Variants in GHR observed in about 807,000 individuals in gnomAD.
GHR encodes growth hormone receptor.
GHR carries 35 observed loss-of-function variants against 67.1 expected under a neutral mutation model. The observed-to-expected ratio is 0.52, with a 90% CI of 0.40 to 0.69. The LOEUF is 0.69. Ranked by LOEUF, GHR falls within the 30% of genes least tolerant of loss-of-function variation. GHR has a pLI of 0.00. For synonymous variants in GHR, 272 were observed against 269.1 expected, an observed-to-expected ratio of 1.01 and a Z score of -0.10; for missense variants, 792 against 764.6, an observed-to-expected ratio of 1.04 and a Z score of -0.42.
At chr5:42,465,959 C>T in intron 1 of GHR, 2 of 668,358 alleles carry the variant, frequency 3.0e-6, no homozygotes, top group Non-Finnish European at 5.4e-6. Flanking sequence ...TTTCCCTTCA[C>T]CGTGAAGTTG....
intron 1 of GHR, among the ~76,000 whole-genome samples, chr5:42,501,090 G>C (rs1007755531): frequency 6.6e-6 from 1 of 152,112 alleles, no homozygotes; most frequent in Non-Finnish European, 1.5e-5. Flanking sequence ...GATGCATCAG[G>C]TTCTGCAGTA....
Position 42,699,886 on chromosome 5 carries a change from C to A in GHR, c.502C>A (p.His168Asn). The change falls in exon 6 of 10, where the codon CAT becomes AAT. Residue 168 changes from histidine (H) to asparagine (N), a missense_variant. Coordinates refer to ENST00000230882, the MANE Select transcript of GHR (RefSeq NM_000163.5). ...TLLNVSLTGIHADIQVRWEAP... is the reference protein window; with the variant it reads ...TLLNVSLTGINADIQVRWEAP... ...ACTGAACGTCAGTTTAACTGGGATT[C>A]ATGCAGATATCCAAGTGAGATGGGA... 1 of 1,603,378 alleles carries A rather than the reference C, an allele frequency of 6.2e-7. No homozygotes were observed. The highest frequency in any genetic ancestry group is 2.2e-5 in the East Asian group (1 of 44,820).
chr5:42,685,910 T>C (rs1206256077), intron 3 of GHR, among the ~76,000 whole-genome samples: 2 of 152,228 alleles, frequency 1.3e-5, no homozygotes, highest in African/African-American at 4.8e-5. Flanking sequence ...ACTCTGCTGG[T>C]AGTTTCTTTT....
chr5:42,679,759 A>G (rs1219944214), intron 3 of GHR, among the ~76,000 whole-genome samples: 2 of 152,150 alleles, frequency 1.3e-5, no homozygotes, highest in African/African-American at 4.8e-5. Context: ...CAGTAGTGAG[A>G]ATAATAGTAC....
At chr5:42,425,977 A>G (rs1003484089) in intron 1 of GHR, among the ~76,000 whole-genome samples, 1 of 152,206 alleles carries the variant, frequency 6.6e-6, no homozygotes, top group African/African-American at 2.4e-5. Context: ...AAATGAACAT[A>G]ACTGTGCTCA....
At chr5:42,468,192 T>C in intron 1 of GHR, 1 of 1,417,222 alleles carries the variant, frequency 7.1e-7, no homozygotes, top group Non-Finnish European at 1.0e-6. Context: ...GGGCCCAGAC[T>C]TTGATGTTCT....
chr5:42,566,186 A>G (rs1311722384), intron 2 of GHR, among the ~76,000 whole-genome samples: 2 of 152,188 alleles, frequency 1.3e-5, no homozygotes, highest in African/African-American at 4.8e-5. Flanking sequence ...TTAATACTAC[A>G]AATCATGCTG....
chr5:42,679,076 A>G (rs1219417702), intron 3 of GHR, among the ~76,000 whole-genome samples: 1 of 145,398 alleles, frequency 6.9e-6, no homozygotes, highest in Admixed American at 7.0e-5. Context: ...AATTAGTAAT[A>G]TATTATACTA....
intron 2 of GHR, among the ~76,000 whole-genome samples, chr5:42,587,171 C>CAAACAAATGAACAA (rs1554022854): frequency 5.3e-5 from 8 of 151,794 alleles, no homozygotes; most frequent in African/African-American, 1.9e-4. Flanking sequence ...ACAGTCAGGA[C>CAAACAAATGAACAA]AAACAAGTGA....
intron 1 of GHR, among the ~76,000 whole-genome samples, chr5:42,553,974 C>A (rs1187562220): frequency 6.6e-6 from 1 of 152,102 alleles, no homozygotes. Flanking sequence ...TGAGATATTT[C>A]TTTTCTCTTC....
At chr5:42,560,768 A>G (rs1459955502) in intron 1 of GHR, among the ~76,000 whole-genome samples, 1 of 152,148 alleles carries the variant, frequency 6.6e-6, no homozygotes, top group African/African-American at 2.4e-5. Context: ...TCAGATCCCC[A>G]AATCCTGATT....
chr5:42,516,818 A>G (rs966794097), intron 1 of GHR, among the ~76,000 whole-genome samples: 5 of 152,176 alleles, frequency 3.3e-5, no homozygotes, highest in Middle Eastern at 3.2e-3. Context: ...CAGTTGCCTC[A>G]TGTCCTCTGT....
At chr5:42,584,509 C>G (rs1751368211) in intron 2 of GHR, among the ~76,000 whole-genome samples, 1 of 152,140 alleles carries the variant, frequency 6.6e-6, no homozygotes, top group South Asian at 2.1e-4. Context: ...ACTCGTACTC[C>G]AAACACCGAC....
chr5:42,577,827 A>G lies in GHR; in HGVS notation c.70+11883A>G, dbSNP rs575634647. 1.1e-3 allele frequency among the ~76,000 whole-genome samples: 174 copies of G among 152,338 alleles called. 1 individual carries two copies. The highest frequency in any genetic ancestry group is 0.01 in the Middle Eastern group (3 of 294). ...CAAGCATTCATCCTGTCTGCGTCCA[A>G]CAGTTCGGAATCAAACCATGAACTT... On this transcript the variant is annotated intron_variant, in intron 2 of 9. Transcript: ENST00000230882.
At chr5:42,695,249 A>G (rs1757618381) in intron 5 of GHR, among the ~76,000 whole-genome samples, 160 bp downstream of exon 5, 1 of 152,214 alleles carries the variant, frequency 6.6e-6, no homozygotes, top group African/African-American at 2.4e-5. Context: ...GGTGAACAAG[A>G]GGAAAAGGGC....
intron 1 of GHR, among the ~76,000 whole-genome samples, chr5:42,524,096 A>G (rs1359608788): frequency 6.6e-6 from 1 of 152,148 alleles, no homozygotes; most frequent in Non-Finnish European, 1.5e-5. Context: ...AGAGTGGGGT[A>G]TTGCTGAAAA....
chr5:42,463,521 G>A (rs1323894115), intron 1 of GHR, among the ~76,000 whole-genome samples: 1 of 152,128 alleles, frequency 6.6e-6, no homozygotes, highest in East Asian at 1.9e-4. Context: ...AGATGACAAT[G>A]GGAAAATCAA....
chr5:42,440,497 A>C (rs958307740), intron 1 of GHR, among the ~76,000 whole-genome samples: 2 of 152,232 alleles, frequency 1.3e-5, no homozygotes, highest in Non-Finnish European at 2.9e-5. Context: ...TGATCCAAGA[A>C]GAAGCCAGAA....
chr5:42,602,497 T>G (rs1752428453), intron 2 of GHR, among the ~76,000 whole-genome samples: 1 of 152,218 alleles, frequency 6.6e-6, no homozygotes, highest in Admixed American at 6.5e-5. Context: ...TTGAGGAGTT[T>G]AGACCATTTA....
Sources: gnomAD v4.1 joint callset for allele counts (sites outside exome capture counted in the v4.1 genomes callset) on GRCh38, gnomAD v4.1.1 for gene constraint, MANE v1.5 for transcripts, NCBI Gene and HGNC (gene_info 2026-07-23, HGNC 2026-07-21) for gene names.